DRC4: variants seen among roughly 807,000 people sequenced by gnomAD.
DRC4 encodes the protein dynein regulatory complex subunit 4.
At chr16:90,040,922 C>T in the DRC4 span, among the ~76,000 whole-genome samples, 1 of 152,068 alleles carries the variant, frequency 6.6e-6, no homozygotes, top group Non-Finnish European at 1.5e-5. Context: ...TCTGGGATGG[C>T]CTGGCTCTCA....
the DRC4 span, chr16:90,040,171 G>A: frequency 2.4e-6 from 2 of 850,796 alleles, no homozygotes; most frequent in East Asian, 2.6e-5. Flanking sequence ...TGACCCCGGT[G>A]CTGTGGGAGT....
chr16:90,041,672 C>T, the DRC4 span, among the ~76,000 whole-genome samples: 14 of 151,944 alleles, frequency 9.2e-5, no homozygotes, highest in African/African-American at 3.1e-4. Flanking sequence ...GGCTTGGTGG[C>T]GGGTGTAATC....
chr16:90,043,425 C>G, the DRC4 span: 54 of 1,355,766 alleles, frequency 4.0e-5, no homozygotes, highest in Non-Finnish European at 5.3e-5. Flanking sequence ...CCAAGGACAG[C>G]AAGTTTTTTA....
At chr16:90,025,218 C>A in the DRC4 span, among the ~76,000 whole-genome samples, 298 of 150,522 alleles carry the variant, frequency 2.0e-3, 4 homozygotes, top group African/African-American at 7.0e-3. Context: ...AGGGTTTCAC[C>A]ATGTTGGCCA....
the DRC4 span, chr16:90,022,675 C>T: frequency 7.1e-7 from 1 of 1,415,860 alleles, no homozygotes; most frequent in East Asian, 3.0e-5. Flanking sequence ...CTTCCGGGGG[C>T]GGGCGCCCTG....
chr16:90,020,818 T>C, the DRC4 span: 2 of 152,256 alleles, frequency 1.3e-5, no homozygotes, highest in African/African-American at 4.8e-5. Flanking sequence ...AAAGGAATTA[T>C]TGTTAATACA....
At chr16:90,037,754 T>C in the DRC4 span, 1 of 1,613,320 alleles carries the variant, frequency 6.2e-7, no homozygotes, top group Non-Finnish European at 8.5e-7. Context: ...TCCCTGTTTT[T>C]CCTCCAGTGC....
the DRC4 span, among the ~76,000 whole-genome samples, chr16:90,041,730 C>T: frequency 2.0e-5 from 3 of 151,854 alleles, no homozygotes; most frequent in East Asian, 3.9e-4. Context: ...ACCTGGGAGG[C>T]GGAGGTTGCG....
At chr16:90,039,298 G>C in the DRC4 span, among the ~76,000 whole-genome samples, 1 of 152,194 alleles carries the variant, frequency 6.6e-6, no homozygotes, top group African/African-American at 2.4e-5. Context: ...GTCCAAGCTG[G>C]TGTCTCTTCC....
the DRC4 span, chr16:90,035,990 C>A: frequency 1.8e-6 from 2 of 1,094,850 alleles, no homozygotes; most frequent in Non-Finnish European, 2.5e-6. Flanking sequence ...TTAAAATAGT[C>A]TTCTCCATGG....
the DRC4 span, among the ~76,000 whole-genome samples, chr16:90,034,438 G>A: frequency 6.6e-6 from 1 of 152,016 alleles, no homozygotes. Context: ...CCTGACCAAC[G>A]TGGTGAAACC....
the DRC4 span, chr16:90,027,696 G>A: frequency 1.5e-5 from 25 of 1,614,064 alleles, no homozygotes; most frequent in Non-Finnish European, 2.1e-5. Context: ...CGATGGGCTC[G>A]CTCCAGAGGA....
chr16:90,041,481 G>A, the DRC4 span, among the ~76,000 whole-genome samples: 55,938 of 152,048 alleles, frequency 0.37, 11,758 homozygotes, highest in Non-Finnish European at 0.49. Context: ...GGCGGGGCCA[G>A]CGCTGCTGAA....
chr16:90,038,767 G>A, the DRC4 span, among the ~76,000 whole-genome samples: 1 of 152,124 alleles, frequency 6.6e-6, no homozygotes, highest in South Asian at 2.1e-4. Flanking sequence ...TCCAAGATTC[G>A]CAGTGAGTGG....
chr16:90,043,294 C>T, the DRC4 span: 19 of 1,613,240 alleles, frequency 1.2e-5, no homozygotes, highest in East Asian at 4.5e-5. Flanking sequence ...CAGCTGTGAT[C>T]GGACAGACAC....
the DRC4 span, chr16:90,022,613 G>T: frequency 3.2e-6 from 4 of 1,249,822 alleles, no homozygotes; most frequent in Admixed American, 1.4e-4. Flanking sequence ...GTCTCGCGAG[G>T]ATCTTGTGAC....
chr16:90,042,491 A>C, the DRC4 span: 1 of 1,613,778 alleles, frequency 6.2e-7, no homozygotes, highest in African/African-American at 1.3e-5. Flanking sequence ...GTCGAAGAAC[A>C]GCACCATCAA....
chr16:90,029,046 C>T, the DRC4 span: 9 of 1,246,368 alleles, frequency 7.2e-6, no homozygotes, highest in African/African-American at 8.4e-5. Context: ...GGATTGAACA[C>T]TGCGTTGTCC....
chr16:90,038,144 G>T, the DRC4 span, among the ~76,000 whole-genome samples: 6 of 152,344 alleles, frequency 3.9e-5, no homozygotes, highest in Admixed American at 1.3e-4. Context: ...TCTTGATGGG[G>T]AACGGATCAC....
Sources: allele counts gnomAD v4.1 joint callset (sites outside exome capture counted in the v4.1 genomes callset), GRCh38; gene constraint gnomAD v4.1.1; transcripts MANE v1.5; gene names NCBI Gene and HGNC (gene_info 2026-07-23, HGNC 2026-07-21).